The following TAFA1 variants were observed in gnomAD, a reference collection of about 807,000 sequenced individuals.
TAFA1 encodes the protein TAFA chemokine like family member 1.
Under a neutral mutation model 18.5 loss-of-function variants are expected in TAFA1, and 4 were observed. That is an observed-to-expected ratio of 0.22 (90% confidence interval 0.11 to 0.49). TAFA1 has a LOEUF of 0.49. Among genes scored for constraint, TAFA1 ranks in the 20% least tolerant of loss-of-function variants. The probability of loss-of-function intolerance (pLI) is 0.98; values close to 1 mark genes in which losing one functional copy is unlikely to be tolerated. For synonymous variants in TAFA1, 56 were observed against 55.2 expected (o/e 1.01, Z -0.06); for missense variants, 147 against 169.0 (o/e 0.87, Z 0.72).
chr3:68,344,023 A>G (rs2069126909), intron 2 of TAFA1, among the ~76,000 whole-genome samples: 1 of 152,128 alleles, frequency 6.6e-6, no homozygotes, highest in Non-Finnish European at 1.5e-5. Flanking sequence ...TTGTATTTTT[A>G]GTAGAGACAG....
At chr3:68,419,752 T>C (rs1448833336) in intron 3 of TAFA1, among the ~76,000 whole-genome samples, 2 of 152,126 alleles carry the variant, frequency 1.3e-5, no homozygotes, top group Non-Finnish European at 2.9e-5. Context: ...TGTATTTTCA[T>C]TGTGGGTCAG....
intron 2 of TAFA1, among the ~76,000 whole-genome samples, chr3:68,415,813 T>C (rs988883087): frequency 1.3e-5 from 2 of 152,114 alleles, no homozygotes. Flanking sequence ...AGGCATTCAG[T>C]AAATGACAGA....
chr3:68,300,578 G>A (rs1390867449), intron 2 of TAFA1, among the ~76,000 whole-genome samples: 1 of 152,182 alleles, frequency 6.6e-6, no homozygotes, highest in Middle Eastern at 3.4e-3. Flanking sequence ...TGTTAGGAAG[G>A]CATGATTGGT....
intron 2 of TAFA1, among the ~76,000 whole-genome samples, chr3:68,318,791 A>C (rs921789324): frequency 6.6e-6 from 1 of 152,170 alleles, no homozygotes; most frequent in African/African-American, 2.4e-5. Context: ...AAGTAGGCTT[A>C]TTTACCTGAA....
chr3:68,427,657 C>T (rs4855472), intron 3 of TAFA1, among the ~76,000 whole-genome samples: 68,668 of 151,466 alleles, frequency 0.45, 16,037 homozygotes, highest in Non-Finnish European at 0.49. Context: ...ACCTACCACC[C>T]CCCCCATACA....
At chr3:68,288,854 G>T (rs2068062589) in intron 2 of TAFA1, among the ~76,000 whole-genome samples, 1 of 152,152 alleles carries the variant, frequency 6.6e-6, no homozygotes, top group African/African-American at 2.4e-5. Context: ...GTACTAGCCT[G>T]TAGGGAGAAA....
At chr3:68,053,331 G>A (rs2064495382) in intron 2 of TAFA1, among the ~76,000 whole-genome samples, 1 of 152,052 alleles carries the variant, frequency 6.6e-6, no homozygotes, top group South Asian at 2.1e-4. Flanking sequence ...CTCCCCATAG[G>A]TTGCCTATTT....
intron 3 of TAFA1, among the ~76,000 whole-genome samples, chr3:68,487,806 C>A (rs1337459007): frequency 4.7e-4 from 46 of 97,524 alleles, no homozygotes; most frequent in Non-Finnish European, 4.6e-4. Flanking sequence ...TTCTCTGTAC[C>A]AAAAGAAAAA....
intron 3 of TAFA1, among the ~76,000 whole-genome samples, chr3:68,528,084 T>C (rs2073132922): frequency 6.6e-6 from 1 of 152,166 alleles, no homozygotes; most frequent in Admixed American, 6.5e-5. Context: ...ATTAGTATAA[T>C]CTTGCATTAA....
In TAFA1 at chr3:68,064,430, T is replaced by G. The variant is rs559534713; in HGVS notation, c.118+57686T>G. Among the ~76,000 whole-genome samples, 5 of 152,238 alleles carry G rather than the reference T, an allele frequency of 3.3e-5. 1 individual carries two copies. Among genetic ancestry groups the G allele is most frequent in the Non-Finnish European group, 7.3e-5 (5 of 68,050 alleles). ...TTTGCTATTATTTAAATGCAGTTTCTTGTATTTATTAAAATGAAGTGACTG... is the reference window on the plus strand; with the variant it reads ...TTTGCTATTATTTAAATGCAGTTTCGTGTATTTATTAAAATGAAGTGACTG... On this transcript the variant is annotated intron_variant, in intron 2 of 4. Coordinates refer to ENST00000478136, the MANE Select transcript of TAFA1 (RefSeq NM_213609.4).
chr3:68,234,398 G>T (rs759870864), intron 2 of TAFA1, among the ~76,000 whole-genome samples: 1 of 152,096 alleles, frequency 6.6e-6, no homozygotes, highest in Admixed American at 6.6e-5. Context: ...TTGAGGAGCG[G>T]GGAGCAACAG....
chr3:68,476,214 C>A (rs2072094190), intron 3 of TAFA1, among the ~76,000 whole-genome samples: 5 of 152,124 alleles, frequency 3.3e-5, no homozygotes, highest in Admixed American at 3.3e-4. Context: ...AAAGAAACTA[C>A]CATCAGAGTG....
chr3:68,422,957 A>T (rs1228905472), intron 3 of TAFA1, among the ~76,000 whole-genome samples: 1 of 152,000 alleles, frequency 6.6e-6, no homozygotes, highest in Non-Finnish European at 1.5e-5. Flanking sequence ...CTTCTCGGGG[A>T]CTAAAAGTTA....
chr3:68,174,241 T>C, intron 2 of TAFA1, among the ~76,000 whole-genome samples: 1 of 152,176 alleles, frequency 6.6e-6, no homozygotes, highest in Non-Finnish European at 1.5e-5. Flanking sequence ...TCCATCGCAA[T>C]AGAGGAAATA....
At chr3:68,252,161 C>A in intron 2 of TAFA1, among the ~76,000 whole-genome samples, 1 of 152,170 alleles carries the variant, frequency 6.6e-6, no homozygotes, top group East Asian at 1.9e-4. Flanking sequence ...ATCTCCCTCT[C>A]CAGTCACAGG....
intron 2 of TAFA1, among the ~76,000 whole-genome samples, chr3:68,341,599 A>C (rs1195016892): frequency 2.0e-5 from 3 of 152,130 alleles, no homozygotes; most frequent in Admixed American, 2.0e-4. Context: ...TGGGGGGAAA[A>C]GGGCTATTAC....
chr3:68,498,197 C>G (rs776342568), intron 3 of TAFA1, among the ~76,000 whole-genome samples: 1 of 152,152 alleles, frequency 6.6e-6, no homozygotes, highest in African/African-American at 2.4e-5. Context: ...AGGATAGTGT[C>G]TACCTCATGA....
intron 2 of TAFA1, among the ~76,000 whole-genome samples, chr3:68,081,682 A>T (rs2064902462): frequency 6.6e-6 from 1 of 152,264 alleles, no homozygotes; most frequent in East Asian, 1.9e-4. Context: ...TCAGATCTCC[A>T]GCTGCGTGCT....
chr3:68,469,266 A>G (rs1306084504), intron 3 of TAFA1, among the ~76,000 whole-genome samples: 3 of 152,166 alleles, frequency 2.0e-5, no homozygotes, highest in Admixed American at 1.3e-4. Flanking sequence ...AAATTTGACA[A>G]GGAGCACTCA....
Sources: allele counts gnomAD v4.1 joint callset (sites outside exome capture counted in the v4.1 genomes callset), GRCh38; gene constraint gnomAD v4.1.1; transcripts MANE v1.5; gene names NCBI Gene and HGNC (gene_info 2026-07-23, HGNC 2026-07-21).